Variants in DSCAML1 observed in about 807,000 individuals in gnomAD.
DSCAML1 encodes DS cell adhesion molecule like 1.
DSCAML1 carries 38 observed loss-of-function variants against 200.5 expected under a neutral mutation model. That is an observed-to-expected ratio of 0.19 (90% CI 0.15 to 0.25). The LOEUF (loss-of-function observed/expected upper bound fraction) is 0.25, where lower values mean the gene tolerates loss of function less well. Among genes scored for constraint, DSCAML1 ranks in the 10% least tolerant of loss-of-function variants. The probability of loss-of-function intolerance (pLI) is 1.00; values close to 1 mark genes in which losing one functional copy is unlikely to be tolerated. For synonymous variants in DSCAML1, 1,215 were observed against 1,165.0 expected (o/e 1.04, Z -0.87); for missense variants, 2,223 against 2,858.8 (o/e 0.78, Z 5.07).
intron 8 of DSCAML1, among the ~76,000 whole-genome samples, chr11:117,509,986 C>G (rs1488640941): frequency 6.6e-6 from 1 of 152,232 alleles, no homozygotes; most frequent in African/African-American, 2.4e-5. Flanking sequence ...CCTGCTCTGG[C>G]CACAGTCATC....
At chr11:117,687,425 T>TATTTTA (rs1182315492) in intron 3 of DSCAML1, among the ~76,000 whole-genome samples, 1 of 72,432 alleles carries the variant, frequency 1.4e-5, no homozygotes. Context: ...CATGCCTGGC[T>TATTTTA]ATTTTTTTTT....
chr11:117,466,961 AGGGATT>A (rs1206332963), intron 16 of DSCAML1, among the ~76,000 whole-genome samples: 3 of 152,218 alleles, frequency 2.0e-5, no homozygotes, highest in Non-Finnish European at 4.4e-5. Flanking sequence ...CGCCAAGGCC[AGGGATT>A]GGGGAATGGT....
At chr11:117,617,680 G>GCGCA (rs1395796967) in intron 3 of DSCAML1, among the ~76,000 whole-genome samples, 129 of 143,010 alleles carry the variant, frequency 9.0e-4, no homozygotes, top group African/African-American at 3.1e-3. Flanking sequence ...ACAGGTACAC[G>GCGCA]CACACACACA....
At chr11:117,638,129 G>C (rs1039226258) in intron 3 of DSCAML1, among the ~76,000 whole-genome samples, 1 of 152,156 alleles carries the variant, frequency 6.6e-6, no homozygotes, top group African/African-American at 2.4e-5. Flanking sequence ...GGTGGCTCCA[G>C]GGGGAGACCT....
At chr11:117,485,800 G>A (rs2049035831) in intron 11 of DSCAML1, among the ~76,000 whole-genome samples, 1 of 152,232 alleles carries the variant, frequency 6.6e-6, no homozygotes, top group Non-Finnish European at 1.5e-5. Flanking sequence ...ACAGACTGTG[G>A]TACTGAAAGC....
At chr11:117,514,970 C>T (rs568169092) in intron 8 of DSCAML1, among the ~76,000 whole-genome samples, 1 of 152,312 alleles carries the variant, frequency 6.6e-6, no homozygotes, top group East Asian at 1.9e-4. Flanking sequence ...GCTGTGGGGT[C>T]GAAGATGGCA....
intron 11 of DSCAML1, among the ~76,000 whole-genome samples, chr11:117,501,590 GGA>G (rs1044866283): frequency 1.3e-5 from 2 of 152,166 alleles, no homozygotes; most frequent in African/African-American, 2.4e-5. Flanking sequence ...AGGTCACTGG[GGA>G]GAGTGGGGCC....
At chr11:117,701,003 C>T (rs886867253) in intron 3 of DSCAML1, among the ~76,000 whole-genome samples, 9 of 152,184 alleles carry the variant, frequency 5.9e-5, no homozygotes, top group Non-Finnish European at 8.8e-5. Context: ...CGGTGGCTCA[C>T]GCCTGTAATC....
chr11:117,537,043 T>C (rs182549017), intron 3 of DSCAML1, among the ~76,000 whole-genome samples: 2 of 152,338 alleles, frequency 1.3e-5, no homozygotes, highest in East Asian at 3.9e-4. Flanking sequence ...GTCACACAGC[T>C]AGAAGGTGGT....
intron 3 of DSCAML1, among the ~76,000 whole-genome samples, chr11:117,624,643 G>T (rs1456221001): frequency 6.6e-6 from 1 of 152,016 alleles, no homozygotes; most frequent in Non-Finnish European, 1.5e-5. Flanking sequence ...CCTTTAACTT[G>T]TTCACTCCTA....
At chr11:117,682,700 C>T (rs1198493191) in intron 3 of DSCAML1, among the ~76,000 whole-genome samples, 1 of 152,144 alleles carries the variant, frequency 6.6e-6, no homozygotes, top group Non-Finnish European at 1.5e-5. Flanking sequence ...GTGAAACTTA[C>T]CCCTCGCTCC....
chr11:117,553,860 G>A (rs1591258589), intron 3 of DSCAML1, among the ~76,000 whole-genome samples: 2 of 152,328 alleles, frequency 1.3e-5, no homozygotes, highest in South Asian at 2.1e-4. Context: ...ACCCATGCTC[G>A]GAGCAGCATT....
At chr11:117,723,419 G>A (rs1038448880) in intron 3 of DSCAML1, among the ~76,000 whole-genome samples, 1 of 152,148 alleles carries the variant, frequency 6.6e-6, no homozygotes, top group African/African-American at 2.4e-5. Flanking sequence ...TCCAGCTTGT[G>A]TACAAGGATT....
chr11:117,455,932 C>G (rs2048360391), intron 19 of DSCAML1, among the ~76,000 whole-genome samples: 1 of 152,222 alleles, frequency 6.6e-6, no homozygotes, highest in Non-Finnish European at 1.5e-5. Context: ...GCTTAGGTAT[C>G]TGTGTTCCTC....
At chr11:117,785,695 G>A (rs962128181) in intron 1 of DSCAML1, among the ~76,000 whole-genome samples, 59 of 152,186 alleles carry the variant, frequency 3.9e-4, no homozygotes, top group African/African-American at 1.4e-3. Flanking sequence ...CATTTTGGCT[G>A]GACATCTATT....
chr11:117,438,804 C>T lies in DSCAML1; in HGVS notation c.4243+81G>A. 2.4e-6 allele frequency: 3 copies of T among 1,241,936 alleles called. No homozygotes were observed. In the East Asian group the frequency reaches 9.0e-5, roughly 37 times the overall value. The allele number at this position is 1,241,936 out of a possible 1,614,324, so 76.9% of individuals were successfully genotyped here. ...GTTTCTGTCATTTGGAGACAAATGGCAGAAGTGGGTGAAGCCCCTTCCCTG... is the reference window on the plus strand; with the variant it reads ...GTTTCTGTCATTTGGAGACAAATGGTAGAAGTGGGTGAAGCCCCTTCCCTG... On this transcript the variant is annotated intron_variant, in intron 24 of 32. Coordinates refer to ENST00000651296, the MANE Select transcript of DSCAML1 (RefSeq NM_020693.4).
At chr11:117,691,716 A>G (rs1479872868) in intron 3 of DSCAML1, among the ~76,000 whole-genome samples, 9 of 152,130 alleles carry the variant, frequency 5.9e-5, no homozygotes. Context: ...CCATGACTAC[A>G]TCGACACTAC....
At chr11:117,611,801 C>T (rs938247050) in intron 3 of DSCAML1, 4 of 152,270 alleles carry the variant, frequency 2.6e-5, no homozygotes, top group Admixed American at 1.3e-4. Context: ...TGCCCTTTCC[C>T]TCCTTACCTT....
chr11:117,505,366 C>G lies in DSCAML1; in HGVS notation c.2062+88G>C, dbSNP rs560014506. The G allele has an allele frequency of 1.9e-4, 290 of 1,523,170 alleles. No individual in the cohort carries two copies. In the East Asian group the frequency reaches 2.2e-3, roughly 12 times the overall value. 94.4% of individuals were successfully genotyped at this position (1,523,170 alleles called of 1,614,324 possible). A position where few individuals can be genotyped will look rare whatever the true frequency, so the allele number is the denominator to read the frequency against. ...TGCTGGAGCCCACCTTCCATGAGCC[C>G]GTGATTGGAACTGGAAATCTAGAGA... On this transcript the variant is annotated intron_variant, in intron 9 of 32. Coordinates refer to ENST00000651296, the MANE Select transcript of DSCAML1 (RefSeq NM_020693.4). The surrounding 1 kb of genome is among the most constrained non-coding windows in gnomAD (Gnocchi z 6.7).
Sources: gnomAD v4.1 joint callset for allele counts (sites outside exome capture counted in the v4.1 genomes callset) on GRCh38, gnomAD v4.1.1 for gene constraint, Gnocchi (gnomAD v3.1) non-coding constraint, MANE v1.5 for transcripts, NCBI Gene and HGNC (gene_info 2026-07-23, HGNC 2026-07-21) for gene names.